Variants in RAB27B observed in about 807,000 individuals in gnomAD.
The protein encoded by RAB27B is ras-related protein Rab-27B.
A neutral mutation model predicts 24.6 loss-of-function variants in RAB27B; 15 were observed. The ratio of observed to expected loss-of-function variants is 0.61; its 90% confidence interval spans 0.41 to 0.94. The LOEUF is 0.94. Ranked by LOEUF, RAB27B falls within the 40% of genes least tolerant of loss-of-function variation. RAB27B has a pLI of 0.00. For missense variants in RAB27B, 261 were observed against 266.8 expected (o/e 0.98, Z 0.15); for synonymous variants, 105 against 92.5 (o/e 1.14, Z -0.78).
At position 54,804,538 on chromosome 18, in the gene RAB27B, T is replaced by TC. The variant is rs768984383; in HGVS notation, c.-19-73028dup. Among the ~76,000 whole-genome samples, 140 of 152,284 alleles carry TC rather than the reference T, an allele frequency of 9.2e-4. 1 individual carries two copies. The highest frequency in any genetic ancestry group is 1.6e-3 in the Non-Finnish European group (106 of 68,030). Reference sequence around the variant, plus strand: ...ATTAAACCTCTTTTTCTTGCCATGCTCGGGTGTATCTTTATCAGCAGTGTG... The same window carrying TC: ...ATTAAACCTCTTTTTCTTGCCATGCTCCGGGTGTATCTTTATCAGCAGTGTG... On this transcript the variant is annotated intron_variant, in intron 2 of 4. Coordinates refer to the RAB27B transcript ENST00000586570.
intron 2 of RAB27B, among the ~76,000 whole-genome samples, chr18:54,788,334 A>G (rs980137155): frequency 6.6e-6 from 1 of 152,040 alleles, no homozygotes; most frequent in Admixed American, 6.6e-5. Flanking sequence ...AGAGAGTCTC[A>G]CTCTGTCACC....
chr18:54,864,702 T>C (rs746440588), intron 1 of RAB27B, among the ~76,000 whole-genome samples: 15 of 152,330 alleles, frequency 9.8e-5, no homozygotes, highest in African/African-American at 2.9e-4. Context: ...CTTGTCACAA[T>C]TGACCATAAA....
rs188757583 is a variant in RAB27B, at chr18:54,741,039, G to A, written c.-20+22898G>A. ...TACTTTCATAAAAAGCATTTATTCC[G>A]GAAGTCATGGATACTAAATAGTGTC... On this transcript the variant is annotated intron_variant, in intron 2 of 4. Transcript: ENST00000586570. Among the ~76,000 whole-genome samples, 10 of 152,170 alleles carry A rather than the reference G, an allele frequency of 6.6e-5. No homozygotes were observed. The East Asian group carries it at 7.7e-4, about 12-fold the overall frequency.
At chr18:54,805,392 A>G (rs1428638116) in intron 2 of RAB27B, among the ~76,000 whole-genome samples, 3 of 152,184 alleles carry the variant, frequency 2.0e-5, no homozygotes, top group Non-Finnish European at 2.9e-5. Context: ...AAGACTGTAT[A>G]ATGTTAAAAC....
intron 2 of RAB27B, among the ~76,000 whole-genome samples, chr18:54,768,764 A>T (rs966966525): frequency 6.6e-6 from 1 of 152,170 alleles, no homozygotes; most frequent in South Asian, 2.1e-4. Flanking sequence ...GGGTACCAGG[A>T]CGAAGTGAGT....
chr18:54,786,546 A>G (rs1598903918), intron 2 of RAB27B, among the ~76,000 whole-genome samples: 2 of 152,246 alleles, frequency 1.3e-5, no homozygotes, highest in South Asian at 4.1e-4. Context: ...ATACTTAATT[A>G]AATAGCATTT....
At chr18:54,719,115 A>C (rs1384122060) in intron 2 of RAB27B, among the ~76,000 whole-genome samples, 1 of 152,182 alleles carries the variant, frequency 6.6e-6, no homozygotes, top group East Asian at 1.9e-4. Flanking sequence ...GAAAATATTT[A>C]ACTAAGACAC....
intron 2 of RAB27B, among the ~76,000 whole-genome samples, chr18:54,806,864 T>A (rs1310112500): frequency 2.0e-5 from 3 of 152,122 alleles, no homozygotes; most frequent in Non-Finnish European, 4.4e-5. Context: ...ATGAGTAGGT[T>A]TGAGTAAATA....
chr18:54,841,844 C>G (rs191962947), intron 1 of RAB27B, among the ~76,000 whole-genome samples: 1 of 152,128 alleles, frequency 6.6e-6, no homozygotes, highest in Non-Finnish European at 1.5e-5. Flanking sequence ...AAATAAGACA[C>G]CAATATACTA....
At chr18:54,794,583 G>A (rs1002038869) in intron 2 of RAB27B, among the ~76,000 whole-genome samples, 1 of 152,288 alleles carries the variant, frequency 6.6e-6, no homozygotes, top group Admixed American at 6.5e-5. Context: ...ACTGATGTGT[G>A]TATTTGATCC....
At chr18:54,803,589 G>C (rs1202675279) in intron 2 of RAB27B, among the ~76,000 whole-genome samples, 1 of 152,152 alleles carries the variant, frequency 6.6e-6, no homozygotes, top group African/African-American at 2.4e-5. Context: ...GACCAATCAG[G>C]AAATTACAGC....
chr18:54,783,614 A>C (rs962439931), intron 2 of RAB27B, among the ~76,000 whole-genome samples: 1 of 152,138 alleles, frequency 6.6e-6, no homozygotes, highest in Non-Finnish European at 1.5e-5. Flanking sequence ...CTCTAGCTTA[A>C]GGTAAGCGAA....
intron 2 of RAB27B, among the ~76,000 whole-genome samples, chr18:54,803,571 A>G (rs1284635547): frequency 6.6e-6 from 1 of 152,188 alleles, no homozygotes; most frequent in Non-Finnish European, 1.5e-5. Context: ...CAAGAATGGA[A>G]GCAGTTAGAC....
rs138212565 is a variant in RAB27B, at chr18:54,839,235, G to C, written c.-20+10535G>C. 1.5e-3 allele frequency among the ~76,000 whole-genome samples: 228 copies of C among 152,108 alleles called. 2 individuals are homozygous for C. Among genetic ancestry groups the C allele is most frequent in the Middle Eastern group, 3.4e-3 (1 of 294 alleles). On this transcript the variant is annotated intron_variant, in intron 1 of 5. Coordinates refer to ENST00000262094, the MANE Select transcript of RAB27B (RefSeq NM_004163.4). ...AGCATACATTCATTGAATATAACAG[G>C]GTTCAAGTCTAGGCTATTGTGTAAG...
At chr18:54,879,505 C>A in intron 3 of RAB27B, 51 bp downstream of exon 3, 1 of 1,425,570 alleles carries the variant, frequency 7.0e-7, no homozygotes, top group African/African-American at 1.4e-5. Flanking sequence ...GAAAAACTTA[C>A]TTTAAAATGA....
intron 2 of RAB27B, among the ~76,000 whole-genome samples, chr18:54,761,200 C>T (rs1306222187): frequency 6.6e-6 from 1 of 152,094 alleles, no homozygotes; most frequent in East Asian, 1.9e-4. Flanking sequence ...TGTAGTTTTT[C>T]AGGCTGAGCT....
intron 1 of RAB27B, among the ~76,000 whole-genome samples, chr18:54,833,776 G>C: frequency 6.6e-6 from 1 of 152,200 alleles, no homozygotes; most frequent in East Asian, 1.9e-4. Context: ...AAACCAGACA[G>C]TGCAAAAGGA....
chr18:54,808,733 C>A (rs892281131), intron 2 of RAB27B, among the ~76,000 whole-genome samples: 1 of 152,150 alleles, frequency 6.6e-6, no homozygotes, highest in Non-Finnish European at 1.5e-5. Flanking sequence ...TACACACATG[C>A]CTTACAGACT....
intron 2 of RAB27B, among the ~76,000 whole-genome samples, chr18:54,718,394 G>A (rs1412335378): frequency 6.6e-6 from 1 of 152,176 alleles, no homozygotes; most frequent in Non-Finnish European, 1.5e-5. Flanking sequence ...GAATGGGAAA[G>A]AGATTTTGCT....
Sources: gnomAD v4.1 joint callset for allele counts (sites outside exome capture counted in the v4.1 genomes callset) on GRCh38, gnomAD v4.1.1 for gene constraint, MANE v1.5 for transcripts, NCBI Gene and HGNC (gene_info 2026-07-23, HGNC 2026-07-21) for gene names.